Variants in TMEM236 observed in about 807,000 individuals in gnomAD.
The protein encoded by TMEM236 is family with sequence similarity 23, member A.
TMEM236 carries 11 observed loss-of-function variants against 14.7 expected under a neutral mutation model. That is an observed-to-expected ratio of 0.75 (90% CI 0.47 to 1.24). TMEM236 has a LOEUF of 1.24. TMEM236 is among the 50% of genes most tolerant of loss of function. TMEM236 has a pLI of 0.00. For synonymous variants in TMEM236, 182 were observed against 168.6 expected, an observed-to-expected ratio of 1.08 and a Z score of -0.62; for missense variants, 464 against 427.3, an observed-to-expected ratio of 1.09 and a Z score of -0.76.
At chr10:17,782,464 T>C (rs1237706490) in intron 3 of TMEM236, among the ~76,000 whole-genome samples, 1 of 152,128 alleles carries the variant, frequency 6.6e-6, no homozygotes, top group Non-Finnish European at 1.5e-5. Flanking sequence ...TTTTATTTTG[T>C]TTCATTTTGA....
In TMEM236 at chr10:17,796,137, G is replaced by T; in HGVS notation, c.689G>T (p.Arg230Leu). 6 of 1,613,858 alleles carry T rather than the reference G, an allele frequency of 3.7e-6. No individual in the cohort carries two copies. The highest frequency in any genetic ancestry group is 4.2e-6 in the Non-Finnish European group (5 of 1,179,840). The change falls in exon 4 of 4, where the codon CGG becomes CTG. Residue 230 changes from arginine (R) to leucine (L), a missense_variant. Transcript: ENST00000377495. The part of the protein sequence containing the change: ...CDSGILRMMS[R>L]RDVRAELFLW... ...TCCGGAATCCTGAGAATGATGTCCC[G>T]GCGAGATGTCCGGGCAGAGTTATTC...
chr10:17,775,125 C>T (rs1290966446), intron 2 of TMEM236, among the ~76,000 whole-genome samples: 7 of 152,190 alleles, frequency 4.6e-5, no homozygotes, highest in Admixed American at 1.3e-4. Flanking sequence ...CATTCTCTGG[C>T]GCATTACCCT....
intron 1 of TMEM236, among the ~76,000 whole-genome samples, chr10:17,755,719 G>T (rs1837275344): frequency 1.3e-5 from 2 of 152,218 alleles, no homozygotes; most frequent in East Asian, 3.9e-4. Context: ...AATGGTGGAA[G>T]GTTCAAATGA....
intron 3 of TMEM236, among the ~76,000 whole-genome samples, chr10:17,795,548 T>A (rs1837997697): frequency 6.6e-6 from 1 of 152,210 alleles, no homozygotes; most frequent in African/African-American, 2.4e-5. Flanking sequence ...CCAAGAGCCT[T>A]CTCCACCTCT....
In TMEM236 at chr10:17,752,454, T is replaced by C; in HGVS notation, c.159T>C (p.Cys53=). Residue 53 remains cysteine, a synonymous_variant, in exon 1 of 4, where the codon TGT becomes TGC. Coordinates refer to ENST00000377495, the MANE Select transcript of TMEM236 (RefSeq NM_001098844.3). ...CACACTACTGGCTGATCATCTCCTGTTCTATTGCCTATGTTGCGTTAGTGA... is the reference window on the plus strand; with the variant it reads ...CACACTACTGGCTGATCATCTCCTGCTCTATTGCCTATGTTGCGTTAGTGA... The part of the protein sequence containing the change: ...DNTHYWLIIS[C]SIAYVALVTL... 6.2e-7 allele frequency: 1 copy of C among 1,614,000 alleles called. No individual in the cohort carries two copies. The highest frequency in any genetic ancestry group is 8.5e-7 in the Non-Finnish European group (1 of 1,179,848).
At chr10:17,789,071 C>T (rs1004259629) in intron 3 of TMEM236, among the ~76,000 whole-genome samples, 5 of 152,110 alleles carry the variant, frequency 3.3e-5, no homozygotes, top group African/African-American at 4.8e-5. Flanking sequence ...TTTCAAGCTA[C>T]CAAGGTGGTA....
chr10:17,772,552 A>G (rs1318270019), intron 2 of TMEM236, among the ~76,000 whole-genome samples: 3 of 152,130 alleles, frequency 2.0e-5, no homozygotes, highest in South Asian at 2.1e-4. Context: ...GCTCTTTTTT[A>G]TGATGTCTCT....
intron 3 of TMEM236, among the ~76,000 whole-genome samples, chr10:17,784,900 A>G (rs1216365277): frequency 2.6e-5 from 4 of 152,092 alleles, no homozygotes; most frequent in Non-Finnish European, 4.4e-5. Context: ...TGGATGAGTA[A>G]TGTTGAGTGT....
chr10:17,763,814 G>T (rs1043253480), intron 1 of TMEM236, among the ~76,000 whole-genome samples: 1 of 152,150 alleles, frequency 6.6e-6, no homozygotes, highest in Non-Finnish European at 1.5e-5. Flanking sequence ...GGTTAGGGGC[G>T]TGAGTTTTGG....
chr10:17,792,838 T>C (rs1038366922), intron 3 of TMEM236, among the ~76,000 whole-genome samples: 6 of 152,194 alleles, frequency 3.9e-5, no homozygotes, highest in African/African-American at 1.4e-4. Context: ...CTAACAACAA[T>C]GGGAAAAAGA....
chr10:17,791,418 A>G (rs1837923158), intron 3 of TMEM236, among the ~76,000 whole-genome samples: 1 of 152,144 alleles, frequency 6.6e-6, no homozygotes, highest in Non-Finnish European at 1.5e-5. Flanking sequence ...TGATTGTGCC[A>G]CTGTACTCCG....
chr10:17,764,268 C>G (rs1837424062), intron 1 of TMEM236, among the ~76,000 whole-genome samples: 1 of 152,184 alleles, frequency 6.6e-6, no homozygotes, highest in Non-Finnish European at 1.5e-5. Context: ...TGTGGCTGAG[C>G]TTACTGAGTT....
chr10:17,795,971 G>GT lies in TMEM236; in HGVS notation c.524dup (p.Thr176AspfsTer46). ...AACCTCTTTGCAACACATAAAAACT[G>GT]TGACGGAGCAAGTGAGGCAAAGTCC... On this transcript the variant is annotated frameshift_variant, in exon 4 of 4. Coordinates refer to ENST00000377495, the MANE Select transcript of TMEM236 (RefSeq NM_001098844.3). LOFTEE classifies it low-confidence loss of function (END_TRUNC). 6.2e-7 allele frequency: 1 copy of GT among 1,613,892 alleles called. No individual in the cohort carries two copies. Among genetic ancestry groups the GT allele is most frequent in the South Asian group, 1.1e-5 (1 of 91,068 alleles).
At chr10:17,769,264 T>C (rs1837529189) in intron 1 of TMEM236, among the ~76,000 whole-genome samples, 3 of 152,196 alleles carry the variant, frequency 2.0e-5, no homozygotes, top group African/African-American at 4.8e-5. Flanking sequence ...AAGTGGACTT[T>C]GGCAGTAAAT....
chr10:17,763,267 C>T (rs999340126), intron 1 of TMEM236, among the ~76,000 whole-genome samples: 314 of 152,074 alleles, frequency 2.1e-3, no homozygotes, highest in African/African-American at 7.3e-3. Flanking sequence ...CCCTGGGCAA[C>T]ACAGCGAGAC....
At chr10:17,785,480 A>G (rs1173925463) in intron 3 of TMEM236, among the ~76,000 whole-genome samples, 2 of 152,166 alleles carry the variant, frequency 1.3e-5, no homozygotes, top group East Asian at 3.9e-4. Context: ...GGCTTTCCAA[A>G]TTTCCTTGAA....
chr10:17,764,171 A>T (rs1324653413), intron 1 of TMEM236, among the ~76,000 whole-genome samples: 2 of 152,228 alleles, frequency 1.3e-5, no homozygotes, highest in Admixed American at 1.3e-4. Context: ...CCAAGTTCTC[A>T]TCTGATCCTT....
rs1321688169 is a variant in TMEM236, at chr10:17,797,810, C to G, written c.*1306C>G. Reference sequence around the variant, plus strand: ...TGAGTGTTGTTTAGTATAATGAAGTCAAGGTACATCAGTAATACCAAGATA... The same window carrying G: ...TGAGTGTTGTTTAGTATAATGAAGTGAAGGTACATCAGTAATACCAAGATA... On this transcript the variant is annotated 3_prime_UTR_variant, in exon 4 of 4. Coordinates refer to ENST00000377495, the MANE Select transcript of TMEM236 (RefSeq NM_001098844.3). 2 of 151,924 alleles carry G rather than the reference C, an allele frequency of 1.3e-5. No homozygotes were observed. The highest frequency in any genetic ancestry group is 2.9e-5 in the Non-Finnish European group (2 of 67,992). 9.4% of individuals were successfully genotyped at this position (151,924 alleles called of 1,614,324 possible).
At chr10:17,771,490 A>T in intron 2 of TMEM236, 109 bp downstream of exon 2, 1 of 1,032,080 alleles carries the variant, frequency 9.7e-7, no homozygotes, top group Non-Finnish European at 1.5e-6. Context: ...CATCTATGTA[A>T]TCCAATCTTC....
Sources: gnomAD v4.1 joint callset for allele counts (sites outside exome capture counted in the v4.1 genomes callset) on GRCh38, gnomAD v4.1.1 for gene constraint, MANE v1.5 for transcripts, NCBI Gene and HGNC (gene_info 2026-07-23, HGNC 2026-07-21) for gene names.